The following TRPM7 variants were observed in gnomAD, a reference collection of about 807,000 sequenced individuals.
TRPM7 encodes the protein transient receptor potential cation channel subfamily M member 7, also known as LTRPC ion channel family member 7.
A neutral mutation model predicts 229.7 loss-of-function variants in TRPM7; 134 were observed. The observed-to-expected ratio is 0.58, with a 90% CI of 0.51 to 0.67. The LOEUF (loss-of-function observed/expected upper bound fraction) is 0.67. Ranked by LOEUF, TRPM7 falls within the 30% of genes least tolerant of loss-of-function variation. The pLI, the probability that TRPM7 is intolerant of heterozygous loss-of-function variation, is 0.00. For synonymous variants in TRPM7, 699 were observed against 715.2 expected (o/e 0.98, Z 0.36); for missense variants, 1,901 against 2,210.0 (o/e 0.86, Z 2.80).
In TRPM7 at chr15:50,586,391, C is replaced by G. The variant is rs1243563716; in HGVS notation, c.4486+1G>C. The G allele has an allele frequency of 6.3e-7, 1 of 1,586,430 alleles. No homozygotes were observed. The highest frequency in any genetic ancestry group is 1.7e-5 in the Admixed American group (1 of 59,844). ...ACTATTCATATGGTCAAAATACTCA[C>G]CTTGTTTTGAATGAACAGGAATGGA... On this transcript the variant is annotated splice_donor_variant, in intron 28 of 38. Transcript: ENST00000646667. LOFTEE classifies it high-confidence loss of function.
chr15:50,647,695 G>A (rs1040375631), intron 4 of TRPM7, among the ~76,000 whole-genome samples: 1 of 151,938 alleles, frequency 6.6e-6, no homozygotes, highest in Non-Finnish European at 1.5e-5. Context: ...GCAGTGAGCC[G>A]AGATTGCGCC....
At chr15:50,655,260 C>G (rs1381915473) in intron 3 of TRPM7, among the ~76,000 whole-genome samples, 2 of 151,364 alleles carry the variant, frequency 1.3e-5, no homozygotes, top group East Asian at 3.9e-4. Context: ...AAGGTAAAAT[C>G]CCATCTCTAC....
chr15:50,613,744 T>C lies in TRPM7; in HGVS notation c.1733A>G (p.Asn578Ser). The C allele has an allele frequency of 6.2e-7, 1 of 1,613,390 alleles. No individual in the cohort carries two copies. Among genetic ancestry groups the C allele is most frequent in the East Asian group, 2.2e-5 (1 of 44,844 alleles). The change falls in exon 15 of 39, where the codon AAC becomes AGC. Residue 578 changes from asparagine (N) to serine (S), a missense_variant. Physicochemically the swap from Asn to Ser is conservative, Grantham distance 46. Transcript: ENST00000646667. ...RADKKEKMRH[N>S]HFIKTAQPYR... ...GGGCTGTGCTGTCTTAATGAAATGG[T>C]TATGCCTCATTTTTTCCTTTTTATC...
intron 13 of TRPM7, among the ~76,000 whole-genome samples, chr15:50,615,384 C>T (rs546652330): frequency 2.6e-5 from 4 of 151,994 alleles, no homozygotes; most frequent in African/African-American, 9.6e-5. Flanking sequence ...AATTAACTAC[C>T]GCTTGCAACA....
chr15:50,663,053 C>T lies in TRPM7; in HGVS notation c.4-7G>A. The T allele has an allele frequency of 6.2e-7, 1 of 1,606,780 alleles. No individual in the cohort carries two copies. The highest frequency in any genetic ancestry group is 1.1e-5 in the South Asian group (1 of 90,868). Reference sequence around the variant, plus strand: ...CTATCCAGGATTTCTGGGACTAAAACAAAATGTTTTAAAGAATTGTTTATA... The same window carrying T: ...CTATCCAGGATTTCTGGGACTAAAATAAAATGTTTTAAAGAATTGTTTATA... On this transcript the variant is annotated splice_polypyrimidine_tract_variant and splice_region_variant and intron_variant, in intron 1 of 38. Transcript: ENST00000646667.
chr15:50,648,914 C>A, intron 3 of TRPM7, 29 bp from the exon 4 acceptor site: 6 of 1,520,246 alleles, frequency 3.9e-6, no homozygotes, highest in East Asian at 2.4e-5. Context: ...ATTAAAACAC[C>A]CTTCAAAAAA....
Position 50,570,853 on chromosome 15 carries a change from C to CAA in TRPM7, c.5309-700_5309-699dup, listed in dbSNP as rs370802173. 5.2e-3 allele frequency among the ~76,000 whole-genome samples: 704 copies of CAA among 134,804 alleles called. 6 individuals are homozygous for CAA. Among genetic ancestry groups the CAA allele is most frequent in the African/African-American group, 0.018 (680 of 37,738 alleles). The allele number at this position is 134,804 out of a possible 152,430, so 88.4% of individuals were successfully genotyped here. A position where few individuals can be genotyped will look rare whatever the true frequency, so the allele number is the denominator to read the frequency against. On this transcript the variant is annotated intron_variant, in intron 36 of 38. Transcript: ENST00000646667. ...CTGGGCAACAGAGTGAAATTCGTCT[C>CAA]AAAAAAAAAACAAAAACAAAAACAA...
intron 1 of TRPM7, among the ~76,000 whole-genome samples, chr15:50,668,281 A>G (rs961903647): frequency 6.6e-6 from 1 of 152,240 alleles, no homozygotes; most frequent in African/African-American, 2.4e-5. Context: ...AGTTAACTTC[A>G]TGGACTGAAT....
In TRPM7 at chr15:50,611,290, C is replaced by G; in HGVS notation, c.2083G>C (p.Glu695Gln). The G allele has an allele frequency of 3.7e-6, 6 of 1,613,670 alleles. No individual in the cohort carries two copies. The highest frequency in any genetic ancestry group is 5.1e-6 in the Non-Finnish European group (6 of 1,179,810). Residue 695 changes from glutamate (E) to glutamine (Q), a missense_variant, in exon 17 of 39, where the codon GAA (glutamate) becomes CAA (glutamine). Glu to Gln is a conservative substitution (Grantham distance 29, BLOSUM62 2). Around this residue, in one of 8 missense-constraint regions of TRPM7, gnomAD observed 794 missense variants for 881.9 expected, o/e 0.90. Coordinates refer to ENST00000646667, the MANE Select transcript of TRPM7 (RefSeq NM_017672.6). ...GTTTCATCTTGTCTGAAGGACTGTT[C>G]TAATAATTCAACGGCCAACTGACCA... ...DFGQLAVELLEQSFRQDETMA... is the reference protein window; with the variant it reads ...DFGQLAVELLQQSFRQDETMA...
chr15:50,644,028 A>T (rs984661852), intron 4 of TRPM7, among the ~76,000 whole-genome samples: 1 of 152,230 alleles, frequency 6.6e-6, no homozygotes, highest in Non-Finnish European at 1.5e-5. Flanking sequence ...TTTGGCAATG[A>T]TCTAGTCCAT....
chr15:50,668,161 T>C (rs150975828), intron 1 of TRPM7, among the ~76,000 whole-genome samples: 25 of 152,298 alleles, frequency 1.6e-4, no homozygotes, highest in African/African-American at 5.8e-4. Context: ...CTTTCACAGG[T>C]GCTCTTAAAT....
chr15:50,596,452 G>T, intron 22 of TRPM7, 71 bp from the exon 23 acceptor site: 1 of 1,137,288 alleles, frequency 8.8e-7, no homozygotes, highest in Non-Finnish European at 1.2e-6. Context: ...TGCTATTCAT[G>T]AGTGTTTCTG....
chr15:50,569,184 G>C (rs2053754331), intron 38 of TRPM7, among the ~76,000 whole-genome samples: 1 of 152,102 alleles, frequency 6.6e-6, no homozygotes, highest in Non-Finnish European at 1.5e-5. Context: ...ACAGGCATGT[G>C]TCACTGCTCC....
At chr15:50,643,014 G>A (rs1008912929) in intron 5 of TRPM7, among the ~76,000 whole-genome samples, 3 of 152,076 alleles carry the variant, frequency 2.0e-5, no homozygotes, top group South Asian at 2.1e-4. Flanking sequence ...TTTAAGGGCC[G>A]GGCGTGGTGG....
chr15:50,603,354 A>G (rs970048100), intron 21 of TRPM7, among the ~76,000 whole-genome samples: 30 of 151,896 alleles, frequency 2.0e-4, no homozygotes, highest in African/African-American at 7.0e-4. Flanking sequence ...TCTAGGGTAC[A>G]TGTGCACAAT....
chr15:50,603,983 TG>T (rs1392666978), intron 21 of TRPM7: 1 of 152,218 alleles, frequency 6.6e-6, no homozygotes, highest in African/African-American at 2.4e-5. Context: ...CTCTGAATAG[TG>T]ATTTGTCTGC....
chr15:50,672,776 G>T (rs1403105356), intron 1 of TRPM7, among the ~76,000 whole-genome samples: 1 of 151,192 alleles, frequency 6.6e-6, no homozygotes, highest in Non-Finnish European at 1.5e-5. Flanking sequence ...CAAGTGTGGT[G>T]GCGGATGCCT....
chr15:50,636,697 A>T (rs945673245), intron 7 of TRPM7, among the ~76,000 whole-genome samples: 1 of 152,196 alleles, frequency 6.6e-6, no homozygotes, highest in Non-Finnish European at 1.5e-5. Flanking sequence ...CCAGGAATAC[A>T]ATTTTTAAGA....
At position 50,569,926 on chromosome 15, in the gene TRPM7, G is replaced by A; in HGVS notation, c.5428C>T (p.His1810Tyr). 2 of 1,612,384 alleles carry A rather than the reference G, an allele frequency of 1.2e-6. No individual in the cohort carries two copies. Among genetic ancestry groups the A allele is most frequent in the South Asian group, 1.1e-5 (1 of 90,688 alleles). ...EDAIKNFRAK[H>Y]HCNSCCRKLK... ...TTTCTACAGCAAGAATTACAGTGAT[G>A]TTTTGCTCTGAAGTTTTTAATTGCA... The change falls in exon 38 of 39, where the codon CAT (histidine) becomes TAT (tyrosine). Residue 1810 changes from histidine to tyrosine, a missense_variant. This residue lies in a region of TRPM7 where 257 missense variants were observed against 352.0 expected (regional missense o/e 0.73). Coordinates refer to ENST00000646667, the MANE Select transcript of TRPM7 (RefSeq NM_017672.6).
Sources: gnomAD v4.1 joint callset for allele counts (sites outside exome capture counted in the v4.1 genomes callset) on GRCh38, gnomAD v4.1.1 for gene constraint, gnomAD v4.1.1 regional missense constraint, MANE v1.5 for transcripts, NCBI Gene and HGNC (gene_info 2026-07-23, HGNC 2026-07-21) for gene names.